The following PRPF38A variants were observed in gnomAD, a reference collection of about 807,000 sequenced individuals.
PRPF38A encodes the protein pre-mRNA-splicing factor 38A.
In PRPF38A, 11 loss-of-function variants were observed where a neutral mutation model predicts 46.8. The ratio of observed to expected loss-of-function variants is 0.24; its 90% CI spans 0.15 to 0.39. PRPF38A has a LOEUF of 0.39. Ranked by LOEUF, PRPF38A falls within the 10% of genes least tolerant of loss-of-function variation. The pLI is 1.00. For synonymous variants in PRPF38A, 124 were observed against 136.2 expected (o/e 0.91, Z 0.62); for missense variants, 261 against 407.5 (o/e 0.64, Z 3.10).
chr1:52,410,581 A>C (rs1648121309), intron 3 of PRPF38A, among the ~76,000 whole-genome samples: 1 of 150,968 alleles, frequency 6.6e-6, no homozygotes, highest in Admixed American at 6.6e-5. Flanking sequence ...AGGTCACTGC[A>C]ACCTCTGCCT....
rs186171457 is a variant in PRPF38A at position 52,416,612 on chromosome 1, T to G, written c.897-36T>G. 5.4e-5 allele frequency: 85 copies of G among 1,577,994 alleles called. No homozygotes were observed. In the East Asian group the frequency reaches 1.2e-3, roughly 22 times the overall value. On this transcript the variant is annotated intron_variant, in intron 9 of 9. Transcript: ENST00000257181. ...GCGTGAGCCACCGTGCCTGGCTGCT[T>G]CTTAATATAATTATTTATATGTGTT... is the stretch of plus-strand genomic sequence containing the variant.
At chr1:52,406,729 GCTT>G (rs1648008081) in intron 2 of PRPF38A, among the ~76,000 whole-genome samples, 1 of 152,200 alleles carries the variant, frequency 6.6e-6, no homozygotes, top group South Asian at 2.1e-4. Context: ...AGACATAATA[GCTT>G]CTTATGTGCC....
rs1277569056 is a variant in PRPF38A at position 52,419,585 on chromosome 1, C to CTCTT, written c.*2897_*2900dup. ...GCTCAAAAAAGACAGCAGACATGATCTCTTTAAAAAAAAAAAGTTCAAAAG... is the reference window on the plus strand; with the variant it reads ...GCTCAAAAAAGACAGCAGACATGATCTCTTTCTTTAAAAAAAAAAAGTTCAAAAG... On this transcript the variant is annotated 3_prime_UTR_variant, in exon 10 of 10. Coordinates refer to ENST00000257181, the MANE Select transcript of PRPF38A (RefSeq NM_032864.4). 4 of 150,788 alleles carry CTCTT rather than the reference C, an allele frequency of 2.7e-5. No individual in the cohort carries two copies. The highest frequency in any genetic ancestry group is 9.8e-5 in the African/African-American group (4 of 40,960). The allele number at this position is 150,788 out of a possible 1,614,324, so 9.3% of individuals were successfully genotyped here. A position where few individuals can be genotyped will look rare whatever the true frequency, so the allele number is the denominator to read the frequency against.
At chr1:52,415,274 TGAGAATGACAGTTTAATAA>T (rs1164266907) in intron 8 of PRPF38A, 45 bp from the exon 9 acceptor site, 40 of 1,523,116 alleles carry the variant, frequency 2.6e-5, no homozygotes, top group Non-Finnish European at 3.4e-5. Flanking sequence ...TTAGGGGAGG[TGAGAATGACAGTTTAATAA>T]GAGTAGAAGG....
chr1:52,407,274 C>G (rs1400878069), intron 2 of PRPF38A, among the ~76,000 whole-genome samples: 1 of 152,218 alleles, frequency 6.6e-6, no homozygotes, highest in Admixed American at 6.5e-5. Context: ...GCCTCGCCTC[C>G]CAAAGTGCTG....
chr1:52,416,662 A>T lies in PRPF38A; in HGVS notation c.911A>T (p.His304Leu). ...SKSPERSKKS[H>L]KKSRRGNE ...TGCCATTTCAGGTCTAAGAAGAGCC[A>T]CAAGAAGAGCCGGAGAGGGAATGAG... The change falls in exon 10 of 10, where the codon CAC becomes CTC. Residue 304 changes from histidine (H) to leucine (L), a missense_variant. His to Leu is a moderately conservative substitution (Grantham distance 99). Transcript: ENST00000257181. 6.2e-7 allele frequency: 1 copy of T among 1,613,192 alleles called. No individual in the cohort carries two copies. The highest frequency in any genetic ancestry group is 1.1e-5 in the South Asian group (1 of 91,070).
Position 52,405,792 on chromosome 1 carries a change from A to G in PRPF38A, c.243A>G (p.Gln81=). 1.9e-6 allele frequency: 3 copies of G among 1,614,122 alleles called. No individual in the cohort carries two copies. The highest frequency in any genetic ancestry group is 2.5e-6 in the Non-Finnish European group (3 of 1,180,008). Residue 81 remains glutamine (Q), a synonymous_variant, in exon 2 of 10, where the codon CAA becomes CAG. Transcript: ENST00000257181. ...LCLTLKMLQI[Q]PEKDIIVEFI... is the part of the protein sequence containing the mutation. ...TAACCTTGAAGATGCTTCAAATTCA[A>G]CCCGAGAAGGATATCATTGTAGAGT...
In PRPF38A at chr1:52,414,590, C is replaced by T. The variant is rs146122510; in HGVS notation, c.723-31C>T. On this transcript the variant is annotated intron_variant, in intron 6 of 9. Transcript: ENST00000257181. The stretch of plus-strand genomic sequence containing the variant: ...AATCTACCACATCCAGTGCGCCAAC[C>T]TAGGCTTTCTTCTTCCTCTCCTCTT... The T allele has an allele frequency of 4.2e-4, 671 of 1,612,232 alleles. 10 individuals carry two copies. The East Asian group carries it at 0.015, about 35-fold the overall frequency.
chr1:52,417,087 C>G lies in PRPF38A; in HGVS notation c.*397C>G, dbSNP rs1389122830. ...TGCTTTGAGAATCCTGGGATTTGTG[C>G]TGCTGCTGTTATTCAAAGATCAAAG... On this transcript the variant is annotated 3_prime_UTR_variant, in exon 10 of 10. Coordinates refer to ENST00000257181, the MANE Select transcript of PRPF38A (RefSeq NM_032864.4). 5.9e-6 allele frequency: 1 copy of G among 168,982 alleles called. No individual in the cohort carries two copies. Among genetic ancestry groups the G allele is most frequent in the Admixed American group, 6.0e-5 (1 of 16,718 alleles). The allele number at this position is 168,982 out of a possible 1,614,324, so 10.5% of individuals were successfully genotyped here.
chr1:52,411,833 A>G (rs1168893920), intron 4 of PRPF38A, among the ~76,000 whole-genome samples: 2 of 152,100 alleles, frequency 1.3e-5, no homozygotes, highest in African/African-American at 4.8e-5. Context: ...ATGAGATTAT[A>G]AATTTGAAAA....
At position 52,417,831 on chromosome 1, in the gene PRPF38A, A is replaced by T. The variant is rs901895953; in HGVS notation, c.*1141A>T. The T allele has an allele frequency of 1.3e-5, 2 of 152,290 alleles. No individual in the cohort carries two copies. Among genetic ancestry groups the T allele is most frequent in the Non-Finnish European group, 2.9e-5 (2 of 68,070 alleles). The allele number at this position is 152,290 out of a possible 1,614,324, so 9.4% of individuals were successfully genotyped here. A position where few individuals can be genotyped will look rare whatever the true frequency, so the allele number is the denominator to read the frequency against. Reference sequence around the variant, plus strand: ...CACCTATTGAAAACTGGAATGGCCCATTCAGAAAGACAGGAGAATTAGGAG... The same window carrying T: ...CACCTATTGAAAACTGGAATGGCCCTTTCAGAAAGACAGGAGAATTAGGAG... On this transcript the variant is annotated 3_prime_UTR_variant, in exon 10 of 10. Transcript: ENST00000257181.
In PRPF38A at chr1:52,419,644, T is replaced by G. The variant is rs536827575; in HGVS notation, c.*2954T>G. On this transcript the variant is annotated 3_prime_UTR_variant, in exon 10 of 10. Transcript: ENST00000257181. ...AGATGAAAAATAAGATTGGTGGAGT[T>G]TAAAGGCCTTATACTAGAAACCACA... The G allele has an allele frequency of 1.3e-5, 2 of 150,986 alleles. No individual in the cohort carries two copies. Among genetic ancestry groups the G allele is most frequent in the South Asian group, 2.1e-4 (1 of 4,766 alleles). 9.4% of individuals were successfully genotyped at this position (150,986 alleles called of 1,614,324 possible).
chr1:52,406,145 C>T (rs1189417448), intron 2 of PRPF38A, among the ~76,000 whole-genome samples: 4 of 152,054 alleles, frequency 2.6e-5, no homozygotes, highest in Non-Finnish European at 5.9e-5. Flanking sequence ...TGTGCCATCA[C>T]GCCTGGCTAA....
At chr1:52,414,156 C>G (rs1372623541) in intron 6 of PRPF38A, among the ~76,000 whole-genome samples, 165 bp downstream of exon 6, 1 of 152,216 alleles carries the variant, frequency 6.6e-6, no homozygotes, top group Non-Finnish European at 1.5e-5. Flanking sequence ...TGGCAGACAA[C>G]AATAACCATT....
intron 2 of PRPF38A, among the ~76,000 whole-genome samples, chr1:52,406,676 G>A (rs1212712231): frequency 1.3e-5 from 2 of 152,162 alleles, no homozygotes; most frequent in Non-Finnish European, 2.9e-5. Context: ...GCTTATTACC[G>A]TATTACCGAT....
At position 52,408,686 on chromosome 1, in the gene PRPF38A, T is replaced by A. The variant is rs748496357; in HGVS notation, c.408T>A (p.Asn136Lys). The A allele has an allele frequency of 1.9e-6, 3 of 1,614,110 alleles. No homozygotes were observed. The highest frequency in any genetic ancestry group is 3.3e-5 in the Admixed American group (2 of 60,006). The change falls in exon 3 of 10, where the codon AAT becomes AAA. Residue 136 changes from asparagine to lysine, a missense_variant. Transcript: ENST00000257181. Reference protein sequence around the residue: ...DYRKIKSQNRNGEFELMHVDE... With the variant: ...DYRKIKSQNRKGEFELMHVDE... ...GAAAAATCAAGAGCCAGAACCGAAA[T>A]GGGGGTAAGTATGGTGCTAAGTCTC...
At chr1:52,414,696 T>G (rs1306883874) in intron 7 of PRPF38A, 49 bp downstream of exon 7, 2 of 1,610,580 alleles carry the variant, frequency 1.2e-6, no homozygotes, top group Admixed American at 3.3e-5. Flanking sequence ...GGGGAGGGGG[T>G]GGTGGTATTG....
At chr1:52,407,881 C>A (rs1400310038) in intron 2 of PRPF38A, among the ~76,000 whole-genome samples, 1 of 152,246 alleles carries the variant, frequency 6.6e-6, no homozygotes, top group Non-Finnish European at 1.5e-5. Context: ...CATGGCAAAA[C>A]CGGTCCCTAC....
At chr1:52,412,657 G>C in intron 5 of PRPF38A, 33 bp downstream of exon 5, 1 of 1,356,730 alleles carries the variant, frequency 7.4e-7, no homozygotes, top group Non-Finnish European at 1.0e-6. Context: ...GGTTGTAGGG[G>C]AGGGAGTAAT....
Sources: allele counts gnomAD v4.1 joint callset (sites outside exome capture counted in the v4.1 genomes callset), GRCh38; gene constraint gnomAD v4.1.1; transcripts MANE v1.5; gene names NCBI Gene and HGNC (gene_info 2026-07-23, HGNC 2026-07-21).